Variants in PLEKHA1 observed in about 807,000 individuals in gnomAD.
PLEKHA1 encodes pleckstrin homology domain containing A1.
Under a neutral mutation model 52.0 loss-of-function variants are expected in PLEKHA1, and 34 were observed. That is an observed-to-expected ratio of 0.65 (90% CI 0.50 to 0.87). The LOEUF (loss-of-function observed/expected upper bound fraction) is 0.87. PLEKHA1 is among the 40% of genes least tolerant of loss of function. The pLI, the probability that PLEKHA1 is intolerant of heterozygous loss-of-function variation, is 0.00. For synonymous variants in PLEKHA1, 163 were observed against 170.7 expected (o/e 0.95, Z 0.35); for missense variants, 497 against 504.2 (o/e 0.99, Z 0.14).
Position 122,431,397 on chromosome 10 carries a change from G to A in PLEKHA1, c.*1459G>A, listed in dbSNP as rs1181213884. The A allele has an allele frequency of 6.5e-6, 1 of 152,694 alleles. No individual in the cohort carries two copies. Among genetic ancestry groups the A allele is most frequent in the Non-Finnish European group, 1.5e-5 (1 of 68,094 alleles). 9.5% of individuals were successfully genotyped at this position (152,694 alleles called of 1,614,324 possible). A position where few individuals can be genotyped will look rare whatever the true frequency, so the allele number is the denominator to read the frequency against. ...AGCCTCCCAAAGTGCTGGGATTACA[G>A]GCGTGAGCCACCATGCCCGGCCCAT... On this transcript the variant is annotated 3_prime_UTR_variant, in exon 12 of 12. Coordinates refer to ENST00000368990, the MANE Select transcript of PLEKHA1 (RefSeq NM_001001974.4).
chr10:122,392,099 A>G (rs759118936), intron 1 of PLEKHA1, among the ~76,000 whole-genome samples: 1 of 152,164 alleles, frequency 6.6e-6, no homozygotes, highest in Non-Finnish European at 1.5e-5. Context: ...AAGGAATCAC[A>G]TGTCTGTAGT....
chr10:122,426,856 T>C, intron 10 of PLEKHA1, 86 bp from the exon 11 acceptor site: 1 of 1,179,962 alleles, frequency 8.5e-7, no homozygotes, highest in Non-Finnish European at 1.2e-6. Context: ...TGACAGTATT[T>C]TAAGTTATCA....
At chr10:122,407,199 T>C (rs2097030558) in intron 5 of PLEKHA1, among the ~76,000 whole-genome samples, 1 of 152,156 alleles carries the variant, frequency 6.6e-6, no homozygotes, top group South Asian at 2.1e-4. Flanking sequence ...ATGTGACCCT[T>C]GAGAAGTTTG....
chr10:122,416,338 G>T (rs1328641140), intron 7 of PLEKHA1, among the ~76,000 whole-genome samples: 1 of 152,076 alleles, frequency 6.6e-6, no homozygotes, highest in Non-Finnish European at 1.5e-5. Flanking sequence ...GTTGTGGGGA[G>T]ATGGCAGGCC....
At chr10:122,380,960 A>G (rs952977454) in intron 1 of PLEKHA1, among the ~76,000 whole-genome samples, 1 of 152,176 alleles carries the variant, frequency 6.6e-6, no homozygotes, top group Admixed American at 6.5e-5. Flanking sequence ...GACTCCTGGC[A>G]CTGCCACTCC....
intron 8 of PLEKHA1, chr10:122,420,415 A>G (rs1425852443): frequency 6.6e-6 from 1 of 152,152 alleles, no homozygotes; most frequent in Admixed American, 6.5e-5. Flanking sequence ...GCATATACCC[A>G]TCACCTAGAT....
intron 10 of PLEKHA1, 62 bp from the exon 11 acceptor site, chr10:122,426,880 G>C (rs1487493944): frequency 5.2e-5 from 68 of 1,309,382 alleles, no homozygotes; most frequent in Non-Finnish European, 7.0e-5. Flanking sequence ...TAAATACATT[G>C]GCTGTATAGA....
intron 1 of PLEKHA1, among the ~76,000 whole-genome samples, chr10:122,383,442 C>T (rs921988367): frequency 1.3e-5 from 2 of 150,804 alleles, no homozygotes; most frequent in Non-Finnish European, 2.9e-5. Context: ...ACCTCAGCTT[C>T]CCAAGTAGCT....
intron 1 of PLEKHA1, among the ~76,000 whole-genome samples, chr10:122,388,747 T>C (rs1183610051): frequency 1.3e-5 from 2 of 152,236 alleles, no homozygotes; most frequent in African/African-American, 4.8e-5. Context: ...AATTTTTTGC[T>C]AGTGGAGAGT....
the PLEKHA1 span, chr10:122,439,495 G>A: frequency 1.3e-5 from 2 of 151,846 alleles, no homozygotes. Flanking sequence ...ATTTTGGGAG[G>A]CCAAGGCATT....
At chr10:122,424,818 C>G in intron 9 of PLEKHA1, 78 bp from the exon 10 acceptor site, 2 of 1,145,508 alleles carry the variant, frequency 1.7e-6, no homozygotes, top group Non-Finnish European at 2.5e-6. Context: ...TTGACGCATA[C>G]TGGGTACTGG....
intron 4 of PLEKHA1, among the ~76,000 whole-genome samples, chr10:122,401,503 GAAGA>G (rs10685898): frequency 0.36 from 55,044 of 151,580 alleles, 10,791 homozygotes; most frequent in Non-Finnish European, 0.46. Context: ...GAATTGGAGG[GAAGA>G]GAGAGGTAGC....
intron 1 of PLEKHA1, among the ~76,000 whole-genome samples, chr10:122,391,922 C>G (rs2096781390): frequency 6.6e-6 from 1 of 152,132 alleles, no homozygotes; most frequent in South Asian, 2.1e-4. Context: ...CATAGTATAT[C>G]AGTGTGCATT....
At chr10:122,423,048 A>C (rs1276388800) in intron 8 of PLEKHA1, 1 of 152,020 alleles carries the variant, frequency 6.6e-6, no homozygotes, top group African/African-American at 2.4e-5. Flanking sequence ...TCAGTCTCTT[A>C]TTAAGTGTGA....
At chr10:122,428,664 ATTG>A (rs916603964) in intron 11 of PLEKHA1, among the ~76,000 whole-genome samples, 2 of 152,206 alleles carry the variant, frequency 1.3e-5, no homozygotes, top group African/African-American at 2.4e-5. Context: ...GAAATGCACC[ATTG>A]TTCTAATAAT....
intron 1 of PLEKHA1, chr10:122,386,560 C>T (rs2096702087): frequency 6.6e-6 from 1 of 152,094 alleles, no homozygotes; most frequent in Non-Finnish European, 1.5e-5. Flanking sequence ...TTTGTCTACC[C>T]CTAAGGTCCT....
intron 8 of PLEKHA1, chr10:122,420,784 C>A (rs2097249577): frequency 6.6e-6 from 1 of 152,160 alleles, no homozygotes; most frequent in African/African-American, 2.4e-5. Context: ...CCAAGAGGAA[C>A]CAGTGTAGCT....
intron 2 of PLEKHA1, among the ~76,000 whole-genome samples, chr10:122,396,517 T>G (rs1265493960): frequency 1.3e-5 from 2 of 152,046 alleles, no homozygotes; most frequent in Admixed American, 1.3e-4. Context: ...ATTAATGGAG[T>G]TTTACAATAT....
At chr10:122,424,501 A>G (rs2097309796) in intron 9 of PLEKHA1, among the ~76,000 whole-genome samples, 1 of 152,214 alleles carries the variant, frequency 6.6e-6, no homozygotes. Context: ...TGAAAACTAA[A>G]AATACAGAAA....
Sources: gnomAD v4.1 joint callset for allele counts (sites outside exome capture counted in the v4.1 genomes callset) on GRCh38, gnomAD v4.1.1 for gene constraint, MANE v1.5 for transcripts, NCBI Gene and HGNC (gene_info 2026-07-23, HGNC 2026-07-21) for gene names.